Variants in RORA observed in about 807,000 individuals in gnomAD.
RORA encodes RAR related orphan receptor A.
In RORA, 7 loss-of-function variants were observed where a neutral mutation model predicts 69.5. That is an observed-to-expected ratio of 0.10 (90% CI 0.06 to 0.19). RORA has a LOEUF of 0.19. Among genes scored for constraint, RORA ranks in the 10% least tolerant of loss-of-function variants. The pLI is 1.00. For missense variants in RORA, 457 were observed against 663.0 expected (o/e 0.69, Z 3.41); for synonymous variants, 261 against 240.8 (o/e 1.08, Z -0.78).
At position 60,678,636 on chromosome 15, in the gene RORA, GA is replaced by G. The variant is rs769834506; in HGVS notation, c.196+20del. The G allele has an allele frequency of 1.1e-5, 17 of 1,596,232 alleles. No individual in the cohort carries two copies. The highest frequency in any genetic ancestry group is 1.3e-5 in the Non-Finnish European group (15 of 1,164,292). On this transcript the variant is annotated intron_variant, in intron 2 of 10. Transcript: ENST00000335670. ...CCAACTCTTCAGAAAACTTTGGACA[GA>G]AAAAAAATGCATTACTTACATGTAT...
intron 1 of RORA, among the ~76,000 whole-genome samples, chr15:61,152,675 T>C (rs552903897): frequency 3.3e-5 from 5 of 152,300 alleles, no homozygotes; most frequent in African/African-American, 1.2e-4. Flanking sequence ...CTCACATTTA[T>C]ATAAAAATGA....
intron 1 of RORA, among the ~76,000 whole-genome samples, chr15:61,111,535 C>A (rs1421026563): frequency 2.0e-5 from 3 of 152,112 alleles, no homozygotes; most frequent in Admixed American, 1.3e-4. Flanking sequence ...TATATAATAT[C>A]TTTCTTCTGC....
chr15:61,031,745 A>C (rs1263851390), intron 1 of RORA, among the ~76,000 whole-genome samples: 1 of 152,220 alleles, frequency 6.6e-6, no homozygotes, highest in Non-Finnish European at 1.5e-5. Flanking sequence ...ATTAGCAAAG[A>C]GAAAGACGTG....
At chr15:60,641,216 T>C (rs2069938852) in intron 2 of RORA, among the ~76,000 whole-genome samples, 1 of 152,056 alleles carries the variant, frequency 6.6e-6, no homozygotes, top group Admixed American at 6.5e-5. Flanking sequence ...CCTCCCAAAG[T>C]GCTGGGATTA....
intron 1 of RORA, among the ~76,000 whole-genome samples, chr15:60,707,087 G>T (rs1408282141): frequency 6.6e-6 from 1 of 152,094 alleles, no homozygotes; most frequent in Non-Finnish European, 1.5e-5. Flanking sequence ...TCCAATGTTG[G>T]AACTCAACAA....
chr15:61,209,516 T>G (rs2079971680), intron 1 of RORA, among the ~76,000 whole-genome samples: 1 of 152,256 alleles, frequency 6.6e-6, no homozygotes, highest in African/African-American at 2.4e-5. Context: ...GGCATCAACC[T>G]ATGTTATGAA....
chr15:60,757,533 G>A (rs1260663013), intron 1 of RORA, among the ~76,000 whole-genome samples: 1 of 152,150 alleles, frequency 6.6e-6, no homozygotes, highest in East Asian at 1.9e-4. Flanking sequence ...GCTAAGTCCT[G>A]CCATACAGGT....
At chr15:60,991,761 A>T (rs1894387262) in intron 1 of RORA, among the ~76,000 whole-genome samples, 1 of 151,824 alleles carries the variant, frequency 6.6e-6, no homozygotes, top group African/African-American at 2.4e-5. Context: ...AACAAACATT[A>T]TCCGGCCTTG....
chr15:61,222,670 T>C (rs2080108988), intron 1 of RORA, among the ~76,000 whole-genome samples: 1 of 152,188 alleles, frequency 6.6e-6, no homozygotes, highest in East Asian at 1.9e-4. Context: ...CTGCAGACTA[T>C]ATCATTAAGT....
chr15:60,742,403 A>G (rs1426745748), intron 1 of RORA, among the ~76,000 whole-genome samples: 1 of 152,226 alleles, frequency 6.6e-6, no homozygotes, highest in African/African-American at 2.4e-5. Context: ...TATGGTGTAC[A>G]ACATATTTTG....
intron 1 of RORA, among the ~76,000 whole-genome samples, chr15:60,981,388 A>G (rs1894040839): frequency 6.6e-6 from 1 of 152,096 alleles, no homozygotes; most frequent in Admixed American, 6.5e-5. Context: ...ATTTCTTCAA[A>G]TCATGGTTCT....
chr15:60,874,579 G>C (rs968134224), intron 1 of RORA, among the ~76,000 whole-genome samples: 1 of 152,180 alleles, frequency 6.6e-6, no homozygotes, highest in African/African-American at 2.4e-5. Flanking sequence ...AATATAGAAA[G>C]GCATGGGGCC....
At chr15:60,520,252 G>A (rs1396193136) in intron 3 of RORA, 1 of 152,172 alleles carries the variant, frequency 6.6e-6, no homozygotes, top group Non-Finnish European at 1.5e-5. Context: ...GATGCGAGAG[G>A]TGAAGTGGGG....
chr15:60,717,660 G>A (rs1595654897), intron 1 of RORA, among the ~76,000 whole-genome samples: 1 of 152,172 alleles, frequency 6.6e-6, no homozygotes, highest in Non-Finnish European at 1.5e-5. Flanking sequence ...CCCCTATTAT[G>A]TGCCAGACAA....
At chr15:60,985,871 C>T (rs865834312) in intron 1 of RORA, among the ~76,000 whole-genome samples, 13 of 152,076 alleles carry the variant, frequency 8.5e-5, no homozygotes, top group Non-Finnish European at 1.5e-4. Context: ...TGAGCCAACG[C>T]GCCCAGCCGA....
chr15:60,918,320 T>C (rs1002250026), intron 1 of RORA, among the ~76,000 whole-genome samples: 4 of 152,216 alleles, frequency 2.6e-5, no homozygotes, highest in African/African-American at 9.6e-5. Context: ...ACATCAACAA[T>C]CTTCTTCCCT....
chr15:60,831,838 T>C (rs1169531616), intron 1 of RORA, among the ~76,000 whole-genome samples: 1 of 152,186 alleles, frequency 6.6e-6, no homozygotes, highest in Non-Finnish European at 1.5e-5. Context: ...TTAATACTTT[T>C]AAAAACAAGC....
chr15:61,130,062 G>C (rs2079177508), intron 1 of RORA, among the ~76,000 whole-genome samples: 1 of 152,164 alleles, frequency 6.6e-6, no homozygotes, highest in South Asian at 2.1e-4. Flanking sequence ...AAGAAAAACA[G>C]GAAGAAAGCA....
chr15:61,049,479 A>T (rs2140496350), intron 1 of RORA, among the ~76,000 whole-genome samples: 1 of 152,296 alleles, frequency 6.6e-6, no homozygotes, highest in African/African-American at 2.4e-5. Flanking sequence ...TACCATAAAA[A>T]ATACAGTAGG....
Sources: gnomAD v4.1 joint callset for allele counts (sites outside exome capture counted in the v4.1 genomes callset) on GRCh38, gnomAD v4.1.1 for gene constraint, MANE v1.5 for transcripts, NCBI Gene and HGNC (gene_info 2026-07-23, HGNC 2026-07-21) for gene names.